PIK3CB: variants seen among roughly 807,000 people sequenced by gnomAD.
PIK3CB encodes the protein phosphatidylinositol-4,5-bisphosphate 3-kinase catalytic subunit beta.
PIK3CB carries 39 observed loss-of-function variants against 136.8 expected under a neutral mutation model. The ratio of observed to expected loss-of-function variants is 0.29; its 90% CI spans 0.22 to 0.37. The LOEUF (loss-of-function observed/expected upper bound fraction) is 0.37. PIK3CB is among the 10% of genes least tolerant of loss of function. The probability of loss-of-function intolerance (pLI) is 1.00; values close to 1 mark genes in which losing one functional copy is unlikely to be tolerated. For synonymous variants in PIK3CB, 428 were observed against 436.6 expected (o/e 0.98, Z 0.25); for missense variants, 868 against 1,275.4 (o/e 0.68, Z 4.87).
At chr3:138,692,890 G>A (rs1229089071) in intron 14 of PIK3CB, among the ~76,000 whole-genome samples, 1 of 152,102 alleles carries the variant, frequency 6.6e-6, no homozygotes, top group Non-Finnish European at 1.5e-5. Context: ...CCATCCAAGG[G>A]AGACTGTACA....
intron 2 of PIK3CB, among the ~76,000 whole-genome samples, chr3:138,785,343 G>A (rs1224546565): frequency 6.6e-6 from 1 of 152,140 alleles, no homozygotes; most frequent in Admixed American, 6.5e-5. Context: ...ATTGAGAACG[G>A]GCCATGATGA....
At chr3:138,773,104 T>G (rs920654793) in intron 2 of PIK3CB, among the ~76,000 whole-genome samples, 22 of 151,896 alleles carry the variant, frequency 1.4e-4, no homozygotes, top group African/African-American at 5.1e-4. Context: ...TGTTCATTAG[T>G]ATTTCTAAAC....
At chr3:138,823,489 G>C (rs958174771) in intron 1 of PIK3CB, among the ~76,000 whole-genome samples, 7 of 151,682 alleles carry the variant, frequency 4.6e-5, no homozygotes, top group Non-Finnish European at 8.8e-5. Context: ...CAGATCACGA[G>C]GTCAGGAGAT....
intron 2 of PIK3CB, among the ~76,000 whole-genome samples, chr3:138,782,433 G>A (rs928053098): frequency 1.3e-5 from 2 of 152,214 alleles, no homozygotes; most frequent in African/African-American, 4.8e-5. Context: ...GTGTGTGTGT[G>A]ATAAATCTCC....
intron 1 of PIK3CB, among the ~76,000 whole-genome samples, chr3:138,812,252 T>TTG (rs1553743404): frequency 2.7e-5 from 4 of 150,834 alleles, no homozygotes; most frequent in Non-Finnish European, 4.4e-5. Flanking sequence ...TTTTTTTTTT[T>TTG]GGGGGGACAG....
intron 13 of PIK3CB, among the ~76,000 whole-genome samples, chr3:138,696,779 C>T (rs915497062): frequency 6.6e-6 from 1 of 152,056 alleles, no homozygotes; most frequent in African/African-American, 2.4e-5. Context: ...TGCCAAAGGC[C>T]CTAATGGACC....
chr3:138,726,670 C>T (rs1041233689), intron 8 of PIK3CB, among the ~76,000 whole-genome samples: 20 of 152,240 alleles, frequency 1.3e-4, no homozygotes, highest in African/African-American at 4.3e-4. Context: ...TAAATAATGT[C>T]ATCTTCTAGA....
At chr3:138,664,127 G>A (rs924331971) in intron 20 of PIK3CB, 98 bp from the exon 21 acceptor site, 2 of 1,394,694 alleles carry the variant, frequency 1.4e-6, no homozygotes, top group African/African-American at 1.4e-5. Flanking sequence ...TTAATTGTGA[G>A]GAGAACACAG....
chr3:138,817,263 C>T (rs1184487825), intron 1 of PIK3CB, among the ~76,000 whole-genome samples: 8 of 151,722 alleles, frequency 5.3e-5, no homozygotes, highest in Non-Finnish European at 8.8e-5. Context: ...GCATGAACCC[C>T]GGGGGGCGGA....
chr3:138,808,236 A>G (rs2046255016), intron 1 of PIK3CB, among the ~76,000 whole-genome samples: 1 of 152,164 alleles, frequency 6.6e-6, no homozygotes, highest in Non-Finnish European at 1.5e-5. Context: ...TGTCCCATCC[A>G]AGAAATTAAA....
Position 138,662,192 on chromosome 3 carries a change from T to C in PIK3CB, c.2796+1714A>G, listed in dbSNP as rs2043309661. 2.7e-5 allele frequency among the ~76,000 whole-genome samples: 4 copies of C among 150,870 alleles called. No homozygotes were observed. The South Asian group carries it at 8.5e-4, about 32-fold the overall frequency. The stretch of plus-strand genomic sequence containing the variant: ...TAGTTACATATGTATACATGTGCCA[T>C]GCTGGTGTGCTGTACCCATTAACTC... On this transcript the variant is annotated intron_variant, in intron 21 of 23. Transcript: ENST00000674063.
Position 138,655,229 on chromosome 3 carries a change from C to T in PIK3CB, c.*160G>A, listed in dbSNP as rs34218642. ...GCAGAGGGAATCATCGGGGATTGTT[C>T]AGATTAGGTTCTGTGGGATGCCTTG... On this transcript the variant is annotated 3_prime_UTR_variant, in exon 24 of 24. Transcript: ENST00000674063. 2 of 652,882 alleles carry T rather than the reference C, an allele frequency of 3.1e-6. No individual in the cohort carries two copies. Among genetic ancestry groups the T allele is most frequent in the Non-Finnish European group, 5.2e-6 (2 of 381,722 alleles). 40.4% of individuals were successfully genotyped at this position (652,882 alleles called of 1,614,324 possible).
intron 2 of PIK3CB, among the ~76,000 whole-genome samples, chr3:138,769,039 C>T (rs74626468): frequency 5.9e-4 from 90 of 152,180 alleles, no homozygotes; most frequent in East Asian, 1.4e-3. Flanking sequence ...GCAGGAGGCC[C>T]GGGTCTGCAC....
chr3:138,717,600 G>T (rs1216349986), intron 8 of PIK3CB, among the ~76,000 whole-genome samples: 1 of 151,982 alleles, frequency 6.6e-6, no homozygotes, highest in Non-Finnish European at 1.5e-5. Flanking sequence ...GTAAGCTGTT[G>T]TCACAGGGGT....
At chr3:138,701,291 T>G (rs113044319) in intron 12 of PIK3CB, among the ~76,000 whole-genome samples, 4 of 150,450 alleles carry the variant, frequency 2.7e-5, no homozygotes, top group African/African-American at 9.7e-5. Context: ...TAAATATACC[T>G]GACAATGAAA....
chr3:138,683,768 T>C lies in PIK3CB; in HGVS notation c.2335A>G (p.Met779Val). 1 of 1,596,214 alleles carries C rather than the reference T, an allele frequency of 6.3e-7. No homozygotes were observed. The highest frequency in any genetic ancestry group is 8.6e-7 in the Non-Finnish European group (1 of 1,164,044). Residue 779 changes from methionine to valine, a missense_variant, in exon 18 of 24, where the codon ATG (methionine) becomes GTG (valine). Around this residue, in one of 4 missense-constraint regions of PIK3CB, gnomAD observed 165 missense variants for 295.4 expected, o/e 0.56. Coordinates refer to ENST00000674063, the MANE Select transcript of PIK3CB (RefSeq NM_006219.3). ...CACAAAGGCTTCATTTTGGAATCCA[T>C]GTATTTGCACTTTTCAACACTGAAA... Reference protein sequence around the residue: ...SELYVEKCKYMDSKMKPLWLV... With the variant: ...SELYVEKCKYVDSKMKPLWLV...
intron 1 of PIK3CB, among the ~76,000 whole-genome samples, chr3:138,829,298 A>T (rs1933922715): frequency 6.6e-6 from 1 of 152,166 alleles, no homozygotes; most frequent in Non-Finnish European, 1.5e-5. Context: ...GCTGACATGC[A>T]GATAAAGTTT....
Position 138,718,785 on chromosome 3 carries a change from A to G in PIK3CB, c.1051-4066T>C, listed in dbSNP as rs189575933. On this transcript the variant is annotated intron_variant, in intron 8 of 23. Transcript: ENST00000674063. ...ACGGCTTGCCAGTTATCCCAGCACC[A>G]TTTATTGAATAGGGAGTCTTTTCCC... 9.8e-4 allele frequency among the ~76,000 whole-genome samples: 149 copies of G among 152,296 alleles called. 1 individual carries two copies. The highest frequency in any genetic ancestry group is 3.3e-3 in the African/African-American group (138 of 41,562).
chr3:138,691,283 G>A lies in PIK3CB; in HGVS notation c.1893-140C>T, dbSNP rs541142357. 10 of 696,860 alleles carry A rather than the reference G, an allele frequency of 1.4e-5. No homozygotes were observed. In the African/African-American group the frequency reaches 1.6e-4, roughly 11 times the overall value. The allele number at this position is 696,860 out of a possible 1,614,324, so 43.2% of individuals were successfully genotyped here. A position where few individuals can be genotyped will look rare whatever the true frequency, so the allele number is the denominator to read the frequency against. ...GGCTTGTTACATGCTTTCCTTCACT[G>A]TACCACTGTTACAATATCACAAAAA... On this transcript the variant is annotated intron_variant, in intron 14 of 23. Transcript: ENST00000674063.
Sources: allele counts gnomAD v4.1 joint callset (sites outside exome capture counted in the v4.1 genomes callset), GRCh38; gene constraint gnomAD v4.1.1; regional missense constraint gnomAD v4.1.1; transcripts MANE v1.5; gene names NCBI Gene and HGNC (gene_info 2026-07-23, HGNC 2026-07-21).